The following TICRR variants were observed in gnomAD, a reference collection of about 807,000 sequenced individuals.
TICRR encodes the protein TOPBP1 interacting checkpoint and replication regulator.
Under a neutral mutation model 178.1 loss-of-function variants are expected in TICRR, and 132 were observed. The ratio of observed to expected loss-of-function variants is 0.74; its 90% CI spans 0.64 to 0.86. The LOEUF (loss-of-function observed/expected upper bound fraction) is 0.86. Ranked by LOEUF, TICRR falls within the 40% of genes least tolerant of loss-of-function variation. The pLI, the probability that TICRR is intolerant of heterozygous loss-of-function variation, is 0.00. For synonymous variants in TICRR, 991 were observed against 900.7 expected (o/e 1.10, Z -1.79); for missense variants, 2,587 against 2,334.3 (o/e 1.11, Z -2.23).
intron 7 of TICRR, among the ~76,000 whole-genome samples, chr15:89,598,923 C>T (rs1332530060): frequency 6.6e-6 from 1 of 152,148 alleles, no homozygotes; most frequent in African/African-American, 2.4e-5. Flanking sequence ...GGGAAGATCA[C>T]TTGAGCCTGC....
At chr15:89,617,124 C>T (rs1167333625) in intron 16 of TICRR, among the ~76,000 whole-genome samples, 1 of 152,196 alleles carries the variant, frequency 6.6e-6, no homozygotes, top group Non-Finnish European at 1.5e-5. Context: ...CTTCTTCTCT[C>T]TGCCTTTCAG....
chr15:89,615,416 G>A lies in TICRR; in HGVS notation c.2870-989G>A, dbSNP rs574408797. 8.1e-4 allele frequency among the ~76,000 whole-genome samples: 123 copies of A among 152,314 alleles called. No individual in the cohort carries two copies. In the Middle Eastern group the frequency reaches 0.01, roughly 13 times the overall value. ...TGATTGTGGGAAATTGATTTTTAAA[G>A]CTACCGTAGGGCTAGGGGGAAGGGG... On this transcript the variant is annotated intron_variant, in intron 15 of 21. Transcript: ENST00000268138.
Position 89,621,541 on chromosome 15 carries a change from A to G in TICRR, c.3303A>G (p.Ala1101=). ...ACACTTTGGATTCGGAGGTACCTGC[A>G]GCTTACCAGGTATAATGTTTCTGTA... The part of the protein sequence containing the change: ...SRNTLDSEVP[A]AYQTPKKSHQ... Residue 1101 remains alanine, a synonymous_variant, in exon 19 of 22, where the codon GCA becomes GCG. Transcript: ENST00000268138. 1 of 1,611,172 alleles carries G rather than the reference A, an allele frequency of 6.2e-7. No homozygotes were observed. The highest frequency in any genetic ancestry group is 1.1e-5 in the South Asian group (1 of 90,492).
Position 89,611,239 on chromosome 15 carries a change from C to G in TICRR, c.2869+2290C>G, listed in dbSNP as rs141398831. Among the ~76,000 whole-genome samples the G allele has an allele frequency of 9.9e-5, 15 of 152,170 alleles. No homozygotes were observed. In the East Asian group the frequency reaches 2.5e-3, roughly 25 times the overall value. ...CTTTTATCTATTTGGAAATGTCTTA[C>G]TTTCTACTTTATTTGTGAAGGACAT... On this transcript the variant is annotated intron_variant, in intron 15 of 21. Coordinates refer to ENST00000268138, the MANE Select transcript of TICRR (RefSeq NM_152259.4).
chr15:89,580,304 G>A (rs571143092), intron 1 of TICRR, among the ~76,000 whole-genome samples: 5 of 152,304 alleles, frequency 3.3e-5, no homozygotes, highest in African/African-American at 1.2e-4. Context: ...GATTACAGGC[G>A]TCAGCCACCA....
At chr15:89,608,708 G>T (rs1484030713) in intron 14 of TICRR, 95 bp from the exon 15 acceptor site, 2 of 1,099,548 alleles carry the variant, frequency 1.8e-6, no homozygotes, top group Non-Finnish European at 2.5e-6. Context: ...TTTCCTCAAG[G>T]AGCTTCTCTG....
chr15:89,576,508 G>A (rs963378034), intron 1 of TICRR, among the ~76,000 whole-genome samples: 5 of 151,910 alleles, frequency 3.3e-5, no homozygotes, highest in Non-Finnish European at 7.4e-5. Context: ...CTAGCATATT[G>A]AAGTCCAGTC....
intron 20 of TICRR, 74 bp from the exon 21 acceptor site, chr15:89,625,862 T>G: frequency 6.5e-7 from 1 of 1,544,182 alleles, no homozygotes; most frequent in Non-Finnish European, 8.7e-7. Flanking sequence ...CACTTGGGAG[T>G]TGCTTCTTGG....
At position 89,576,251 on chromosome 15, in the gene TICRR, T is replaced by C. The variant is rs1245419970; in HGVS notation, c.654+11T>C. The C allele has an allele frequency of 6.5e-7, 1 of 1,533,216 alleles. No individual in the cohort carries two copies. The highest frequency in any genetic ancestry group is 2.0e-5 in the Admixed American group (1 of 51,040). 95.0% of individuals were successfully genotyped at this position (1,533,216 alleles called of 1,614,324 possible). A position where few individuals can be genotyped will look rare whatever the true frequency, so the allele number is the denominator to read the frequency against. On this transcript the variant is annotated intron_variant, in intron 1 of 21. Transcript: ENST00000268138. ...ACCGAATGGTCTAAGGTAAGGAAGG[T>C]TACTGTCGTCTCAGATGGCGTGCAC...
chr15:89,605,438 G>A (rs920197173), intron 13 of TICRR, among the ~76,000 whole-genome samples: 16 of 152,144 alleles, frequency 1.1e-4, no homozygotes, highest in Admixed American at 2.0e-4. Context: ...GCACGATCTC[G>A]ACTCACTGCA....
At position 89,624,144 on chromosome 15, in the gene TICRR, G is replaced by A; in HGVS notation, c.3834G>A (p.Glu1278=). ...ATGTCCTCAGAGCTGCTCGGGCAGA[G>A]GAACCAGCCCAGAAACTAAAGGATA... ...QPHVLRAARA[E]EPAQKLKDKA... is the part of the protein sequence containing the mutation. Residue 1278 remains glutamate (E), a synonymous_variant, in exon 20 of 22, where the codon GAG becomes GAA. Transcript: ENST00000268138. 1.2e-6 allele frequency: 2 copies of A among 1,613,808 alleles called. No individual in the cohort carries two copies. Among genetic ancestry groups the A allele is most frequent in the South Asian group, 1.1e-5 (1 of 91,058 alleles).
Position 89,585,780 on chromosome 15 carries a change from A to G in TICRR, c.1249A>G (p.Met417Val), listed in dbSNP as rs747297194. The change falls in exon 4 of 22, where the codon ATG becomes GTG. Residue 417 changes from methionine to valine, a missense_variant. Met to Val is a conservative substitution (Grantham distance 21). Coordinates refer to ENST00000268138, the MANE Select transcript of TICRR (RefSeq NM_152259.4). ...TATTTCCCCACTCTCTGCCAGTGCT[A>G]TGATCCTCACTGTGTGCCGCACCAA... ...GVISPLSASA[M>V]ILTVCRTKEA... is the part of the protein sequence containing the mutation. 11 of 1,614,024 alleles carry G rather than the reference A, an allele frequency of 6.8e-6. No individual in the cohort carries two copies. The highest frequency in any genetic ancestry group is 6.7e-5 in the African/African-American group (5 of 74,906).
chr15:89,621,602 A>G (rs1963426909), intron 19 of TICRR, 52 bp downstream of exon 19: 1 of 1,496,886 alleles, frequency 6.7e-7, no homozygotes, highest in Non-Finnish European at 9.1e-7. Flanking sequence ...GAACACAGAG[A>G]CATGGCCAAG....
intron 5 of TICRR, among the ~76,000 whole-genome samples, chr15:89,593,460 T>C (rs1419415428): frequency 1.3e-5 from 2 of 152,172 alleles, no homozygotes; most frequent in East Asian, 3.8e-4. Context: ...ACCCCAGTAC[T>C]TTGGGAAGCC....
In TICRR at chr15:89,608,838, G is replaced by A; in HGVS notation, c.2758G>A (p.Glu920Lys). Residue 920 changes from glutamate (E) to lysine (K), a missense_variant, in exon 15 of 22, where the codon GAA becomes AAA. By Grantham distance (56) the Glu-to-Lys change is moderately conservative (BLOSUM62 1). Transcript: ENST00000268138. ...AGTTCGAAGAAATCTTTTCAACCAG[G>A]AATTGCTTTCCCCTTCAAAGAGATC... is the stretch of plus-strand genomic sequence containing the variant. ...TKVRRNLFNQ[E>K]LLSPSKRSLK... is the part of the protein sequence containing the mutation. 1 of 1,603,850 alleles carries A rather than the reference G, an allele frequency of 6.2e-7. No homozygotes were observed. Among genetic ancestry groups the A allele is most frequent in the Non-Finnish European group, 8.5e-7 (1 of 1,176,464 alleles).
chr15:89,611,717 TCTTC>T (rs1963259166), intron 15 of TICRR, among the ~76,000 whole-genome samples: 1 of 152,128 alleles, frequency 6.6e-6, no homozygotes, highest in Non-Finnish European at 1.5e-5. Context: ...AATTACCTTA[TCTTC>T]ACGTTCACTG....
At position 89,627,439 on chromosome 15, in the gene TICRR, C is replaced by T. The variant is rs943861564; in HGVS notation, c.*353C>T. ...ATTTATGCAAATGGAGAAAGGCGCC[C>T]TCCCTGGGGTCCCTTGAGCTGCTGT... is the stretch of plus-strand genomic sequence containing the variant. On this transcript the variant is annotated 3_prime_UTR_variant, in exon 22 of 22. Transcript: ENST00000268138. 3 of 254,710 alleles carry T rather than the reference C, an allele frequency of 1.2e-5. No homozygotes were observed. Among genetic ancestry groups the T allele is most frequent in the Non-Finnish European group, 2.3e-5 (3 of 133,162 alleles). The allele number at this position is 254,710 out of a possible 1,614,324, so 15.8% of individuals were successfully genotyped here.
At chr15:89,583,193 A>G (rs1368580247) in intron 2 of TICRR, among the ~76,000 whole-genome samples, 1 of 152,198 alleles carries the variant, frequency 6.6e-6, no homozygotes, top group Non-Finnish European at 1.5e-5. Context: ...CAAGTGAATG[A>G]TTGATTTTAA....
At chr15:89,600,736 T>G in intron 9 of TICRR, 51 bp downstream of exon 9, 2 of 884,146 alleles carry the variant, frequency 2.3e-6, no homozygotes, top group Non-Finnish European at 3.6e-6. Flanking sequence ...GCTGTGAGAT[T>G]AGCTCGTATC....
Sources: gnomAD v4.1 joint callset for allele counts (sites outside exome capture counted in the v4.1 genomes callset) on GRCh38, gnomAD v4.1.1 for gene constraint, MANE v1.5 for transcripts, NCBI Gene and HGNC (gene_info 2026-07-23, HGNC 2026-07-21) for gene names.